DNAJC18: variants seen among roughly 807,000 people sequenced by gnomAD.
DNAJC18 encodes the protein DnaJ heat shock protein family (Hsp40) member C18.
A neutral mutation model predicts 48.6 loss-of-function variants in DNAJC18; 40 were observed. That is an observed-to-expected ratio of 0.82 (90% confidence interval 0.64 to 1.07). DNAJC18 has a LOEUF of 1.07. DNAJC18 is among the 50% of genes least tolerant of loss of function. The probability of loss-of-function intolerance (pLI) is 0.00; values close to 1 mark genes in which losing one functional copy is unlikely to be tolerated. For missense variants in DNAJC18, 340 were observed against 427.7 expected, an observed-to-expected ratio of 0.79 and a Z score of 1.81; for synonymous variants, 135 against 152.2, an observed-to-expected ratio of 0.89 and a Z score of 0.83.
At chr5:139,437,641 G>A (rs1750702097) in intron 1 of DNAJC18, 83 bp from the exon 2 acceptor site, 5 of 1,486,426 alleles carry the variant, frequency 3.4e-6, no homozygotes, top group Admixed American at 4.5e-5. Flanking sequence ...CTGGGAGGCT[G>A]CTCGTAAGCA....
At chr5:139,423,114 G>A (rs966058142) in intron 5 of DNAJC18, among the ~76,000 whole-genome samples, 3 of 152,180 alleles carry the variant, frequency 2.0e-5, no homozygotes, top group Admixed American at 2.0e-4. Context: ...TTACAGGTGT[G>A]AGCCACTGCG....
rs1759129985 is a variant in DNAJC18, at chr5:139,420,158, A to G, written c.847T>C (p.Phe283Leu). 1.9e-6 allele frequency: 3 copies of G among 1,612,008 alleles called. No homozygotes were observed. Among genetic ancestry groups the G allele is most frequent in the African/African-American group, 2.7e-5 (2 of 74,750 alleles). ...GAAGCTCCTCTGTAGGCCTTGTCAAAGTTTTTATCCACAAAGTAAGGCACC... is the reference window on the plus strand; with the variant it reads ...GAAGCTCCTCTGTAGGCCTTGTCAAGGTTTTTATCCACAAAGTAAGGCACC... The part of the protein sequence containing the change: ...LQVPYFVDKN[F>L]DKAYRGASLH... The change falls in exon 7 of 8, where the codon TTT becomes CTT. Residue 283 changes from phenylalanine to leucine, a missense_variant. Phe to Leu is a conservative substitution (Grantham distance 22, BLOSUM62 0). Transcript: ENST00000302060.
chr5:139,434,990 A>C (rs945261920), intron 2 of DNAJC18, among the ~76,000 whole-genome samples: 1 of 152,150 alleles, frequency 6.6e-6, no homozygotes, highest in Non-Finnish European at 1.5e-5. Context: ...GTATGATGTT[A>C]ACTGTGGATT....
At chr5:139,418,020 G>A (rs1260906598) in intron 7 of DNAJC18, among the ~76,000 whole-genome samples, 2 of 152,180 alleles carry the variant, frequency 1.3e-5, no homozygotes, top group Non-Finnish European at 2.9e-5. Flanking sequence ...TGCCACAGAG[G>A]AAGATGTGGG....
At chr5:139,427,860 A>G (rs1426081553) in intron 3 of DNAJC18, among the ~76,000 whole-genome samples, 1 of 152,188 alleles carries the variant, frequency 6.6e-6, no homozygotes, top group African/African-American at 2.4e-5. Context: ...TTGTTTCCTC[A>G]TTATTAGATT....
chr5:139,431,706 G>A (rs1759332190), intron 2 of DNAJC18, among the ~76,000 whole-genome samples: 1 of 152,078 alleles, frequency 6.6e-6, no homozygotes, highest in African/African-American at 2.4e-5. Flanking sequence ...TATTTCTCTT[G>A]GAATATACTA....
rs1233241061 is a variant in DNAJC18, at chr5:139,439,516, C to T, written c.-71G>A. 21 of 1,608,964 alleles carry T rather than the reference C, an allele frequency of 1.3e-5. No homozygotes were observed. In the Admixed American group the frequency reaches 3.5e-4, roughly 27 times the overall value. ...GGCTGAAAGAGAAGGGGGCGCGGAG[C>T]GCGGGGCACGCTGGTCATTGTAGTC... is the stretch of plus-strand genomic sequence containing the variant. On this transcript the variant is annotated 5_prime_UTR_variant, in exon 1 of 8. Transcript: ENST00000302060. The surrounding 1 kb of genome is among the most constrained non-coding windows in gnomAD (Gnocchi z 4.1).
chr5:139,422,665 C>G, intron 6 of DNAJC18, 43 bp downstream of exon 6: 1 of 1,428,590 alleles, frequency 7.0e-7, no homozygotes, highest in Non-Finnish European at 9.7e-7. Flanking sequence ...AGTCTTTCAC[C>G]CCCAGACTGT....
Position 139,422,826 on chromosome 5 carries a change from G to T in DNAJC18, c.670-9C>A. The T allele has an allele frequency of 2.8e-6, 4 of 1,452,052 alleles. No homozygotes were observed. The highest frequency in any genetic ancestry group is 3.7e-6 in the Non-Finnish European group (4 of 1,080,378). 89.9% of individuals were successfully genotyped at this position (1,452,052 alleles called of 1,614,324 possible). A position where few individuals can be genotyped will look rare whatever the true frequency, so the allele number is the denominator to read the frequency against. On this transcript the variant is annotated splice_polypyrimidine_tract_variant and intron_variant, in intron 5 of 7. Coordinates refer to ENST00000302060, the MANE Select transcript of DNAJC18 (RefSeq NM_152686.4). ...AATGCAGAATATGTAGTCTGAAAAA[G>T]AAAAAAAAATAAAAACTTGCTGTAA...
intron 5 of DNAJC18, among the ~76,000 whole-genome samples, chr5:139,423,957 A>G (rs1336986150): frequency 6.6e-6 from 1 of 152,178 alleles, no homozygotes; most frequent in Non-Finnish European, 1.5e-5. Context: ...AAACCTGCCC[A>G]GACTGTGCCT....
rs781140304 is a variant in DNAJC18, at chr5:139,426,337, C to A, written c.394G>T (p.Val132Phe). Reference protein sequence around the residue: ...AFKAIGNAFAVLSNPDKRLRY... With the variant: ...AFKAIGNAFAFLSNPDKRLRY... ...AGTCTCTTATCAGGATTGCTCAGGA[C>A]TGCAAATGCATTTCCTATTGCTGCA... is the stretch of plus-strand genomic sequence containing the variant. Residue 132 changes from valine to phenylalanine, a missense_variant, in exon 4 of 8, where the codon GTC becomes TTC. Transcript: ENST00000302060. The A allele has an allele frequency of 6.2e-7, 1 of 1,614,110 alleles. No individual in the cohort carries two copies. Among genetic ancestry groups the A allele is most frequent in the South Asian group, 1.1e-5 (1 of 91,072 alleles).
intron 2 of DNAJC18, among the ~76,000 whole-genome samples, chr5:139,430,584 CTCT>C (rs1441809150): frequency 8.8e-6 from 1 of 113,334 alleles, no homozygotes; most frequent in Non-Finnish European, 2.3e-5. Flanking sequence ...ATATATCTAC[CTCT>C]TTTTTTTTTT....
intron 2 of DNAJC18, 40 bp from the exon 3 acceptor site, chr5:139,428,723 T>C (rs748859274): frequency 1.3e-6 from 2 of 1,571,972 alleles, no homozygotes; most frequent in East Asian, 2.3e-5. Context: ...TAAAGGTCCC[T>C]TTTGTACAAC....
chr5:139,428,741 A>G, intron 2 of DNAJC18, 58 bp from the exon 3 acceptor site: 1 of 1,542,402 alleles, frequency 6.5e-7, no homozygotes, highest in Non-Finnish European at 8.7e-7. Context: ...AACTAATTGC[A>G]AGATAATACA....
In DNAJC18 at chr5:139,439,264, C is replaced by G; in HGVS notation, c.40+142G>C. 1 of 1,376,232 alleles carries G rather than the reference C, an allele frequency of 7.3e-7. No individual in the cohort carries two copies. The highest frequency in any genetic ancestry group is 1.0e-6 in the Non-Finnish European group (1 of 988,722). The allele number at this position is 1,376,232 out of a possible 1,614,324, so 85.3% of individuals were successfully genotyped here. On this transcript the variant is annotated intron_variant, in intron 1 of 7. Transcript: ENST00000302060. The surrounding 1 kb of genome is among the most constrained non-coding windows in gnomAD (Gnocchi z 4.1). ...CCAGCTTCCCTACCCCATCCGCAAC[C>G]CTACTCAGGCTCAGCATCTTTTCAC...
intron 5 of DNAJC18, among the ~76,000 whole-genome samples, chr5:139,423,595 C>A (rs1759186842): frequency 6.6e-6 from 1 of 151,846 alleles, no homozygotes; most frequent in East Asian, 1.9e-4. Context: ...TGCCATGTTG[C>A]CCAGGCTAAT....
Position 139,439,503 on chromosome 5 carries a change from A to AG in DNAJC18, c.-59dup. The AG allele has an allele frequency of 1.2e-6, 2 of 1,612,904 alleles. No individual in the cohort carries two copies. Among genetic ancestry groups the AG allele is most frequent in the East Asian group, 2.2e-5 (1 of 44,806 alleles). On this transcript the variant is annotated 5_prime_UTR_variant, in exon 1 of 8. Transcript: ENST00000302060. This position sits in a 1 kb window ranked among gnomAD's most constrained non-coding sequence, Gnocchi z 4.1. ...CCCCCGTGCCCGAGGCTGAAAGAGA[A>AG]GGGGGCGCGGAGCGCGGGGCACGCT... is the stretch of plus-strand genomic sequence containing the variant.
At chr5:139,421,542 A>G (rs985648325) in intron 6 of DNAJC18, among the ~76,000 whole-genome samples, 3 of 152,198 alleles carry the variant, frequency 2.0e-5, no homozygotes, top group Non-Finnish European at 4.4e-5. Context: ...GCGATGGCTC[A>G]TGCCTGTAAT....
At chr5:139,421,180 G>A (rs763751080) in intron 6 of DNAJC18, among the ~76,000 whole-genome samples, 1 of 152,208 alleles carries the variant, frequency 6.6e-6, no homozygotes, top group Non-Finnish European at 1.5e-5. Context: ...TGAAGGCTAG[G>A]TGCAGTGGCT....
Sources: allele counts gnomAD v4.1 joint callset (sites outside exome capture counted in the v4.1 genomes callset), GRCh38; gene constraint gnomAD v4.1.1; non-coding constraint Gnocchi (gnomAD v3.1); transcripts MANE v1.5; gene names NCBI Gene and HGNC (gene_info 2026-07-23, HGNC 2026-07-21).